The following SDK1 variants were observed in gnomAD, a reference collection of about 807,000 sequenced individuals.
SDK1 encodes protein sidekick-1.
SDK1 carries 157 observed loss-of-function variants against 245.5 expected under a neutral mutation model. The observed-to-expected ratio is 0.64, with a 90% confidence interval of 0.56 to 0.73. The LOEUF (loss-of-function observed/expected upper bound fraction) is 0.73, where lower values mean the gene tolerates loss of function less well. Among genes scored for constraint, SDK1 ranks in the 30% least tolerant of loss-of-function variants. The pLI is 0.00. For missense variants in SDK1, 3,583 were observed against 3,002.3 expected, an observed-to-expected ratio of 1.19 and a Z score of -4.52; for synonymous variants, 1,647 against 1,278.5, an observed-to-expected ratio of 1.29 and a Z score of -6.15.
intron 2 of SDK1, 48 bp from the exon 3 acceptor site, chr7:3,638,956 A>G (rs1258001997): frequency 2.5e-6 from 3 of 1,189,974 alleles, no homozygotes; most frequent in Admixed American, 2.0e-5. Flanking sequence ...AGATATAACC[A>G]TGAAACACTG....
intron 4 of SDK1, among the ~76,000 whole-genome samples, chr7:3,686,851 A>G (rs147361989): frequency 6.6e-6 from 1 of 152,284 alleles, no homozygotes; most frequent in East Asian, 1.9e-4. Flanking sequence ...GAATAATTTC[A>G]GTAGGTTCCA....
intron 19 of SDK1, among the ~76,000 whole-genome samples, chr7:4,066,981 T>C (rs1779947880): frequency 6.6e-6 from 1 of 152,240 alleles, no homozygotes; most frequent in Non-Finnish European, 1.5e-5. Context: ...GGAATGAGTT[T>C]ATGTTCTGAT....
chr7:3,373,197 A>G (rs1041793823), intron 1 of SDK1, among the ~76,000 whole-genome samples: 3 of 152,196 alleles, frequency 2.0e-5, no homozygotes, highest in Non-Finnish European at 2.9e-5. Flanking sequence ...ACCCTACCTT[A>G]AACGTGCTCA....
chr7:4,266,595 A>G lies in SDK1; in HGVS notation c.*1211A>G, dbSNP rs547571092. Reference sequence around the variant, plus strand: ...TTTCTTTTTTTTATTTAAAATTGTCATTGTTTGGTTTAAATTTTTCAGCTA... The same window carrying G: ...TTTCTTTTTTTTATTTAAAATTGTCGTTGTTTGGTTTAAATTTTTCAGCTA... On this transcript the variant is annotated 3_prime_UTR_variant, in exon 45 of 45. Transcript: ENST00000404826. 5.5e-4 allele frequency: 542 copies of G among 985,186 alleles called. No homozygotes were observed. The highest frequency in any genetic ancestry group is 6.3e-4 in the Non-Finnish European group (524 of 829,832). 61.0% of individuals were successfully genotyped at this position (985,186 alleles called of 1,614,324 possible).
chr7:3,833,775 CT>C (rs1779968917), intron 5 of SDK1, among the ~76,000 whole-genome samples: 1 of 152,162 alleles, frequency 6.6e-6, no homozygotes, highest in African/African-American at 2.4e-5. Flanking sequence ...TCTTTTGTTT[CT>C]TTGTTCATTT....
chr7:3,546,938 T>G (rs1342935917), intron 1 of SDK1, among the ~76,000 whole-genome samples: 1 of 152,188 alleles, frequency 6.6e-6, no homozygotes, highest in Admixed American at 6.5e-5. Flanking sequence ...ATCAGAAAGA[T>G]CTATGAAGTC....
chr7:3,876,204 G>A (rs545186274), intron 5 of SDK1, among the ~76,000 whole-genome samples: 7 of 152,318 alleles, frequency 4.6e-5, no homozygotes, highest in African/African-American at 1.4e-4. Context: ...AAGTGAAGTA[G>A]GGTAGGGGCT....
chr7:3,924,852 G>A (rs1779713675), intron 5 of SDK1, among the ~76,000 whole-genome samples: 1 of 152,096 alleles, frequency 6.6e-6, no homozygotes, highest in Non-Finnish European at 1.5e-5. Context: ...CAGAGGTGAG[G>A]GGTCTGCTGC....
At chr7:4,011,249 C>A in intron 15 of SDK1, 136 bp downstream of exon 15, 1 of 1,128,820 alleles carries the variant, frequency 8.9e-7, no homozygotes, top group Non-Finnish European at 1.2e-6. Context: ...AAACCGTGAG[C>A]AGAAAAGCCT....
At chr7:3,865,149 C>A (rs548259653) in intron 5 of SDK1, among the ~76,000 whole-genome samples, 49 of 152,102 alleles carry the variant, frequency 3.2e-4, no homozygotes, top group Non-Finnish European at 5.4e-4. Flanking sequence ...AAGTGATGAA[C>A]GTCCACAGAG....
intron 5 of SDK1, among the ~76,000 whole-genome samples, chr7:3,941,935 G>T (rs11983461): frequency 7.4e-6 from 1 of 135,270 alleles, no homozygotes. Context: ...TTGAGACACA[G>T]TCTTGCTCTG....
intron 20 of SDK1, among the ~76,000 whole-genome samples, chr7:4,076,584 A>G (rs1434026601): frequency 6.6e-6 from 1 of 152,208 alleles, no homozygotes; most frequent in Non-Finnish European, 1.5e-5. Context: ...ATATACATAC[A>G]TAACATTTTT....
chr7:3,990,397 G>T (rs1418244283), intron 14 of SDK1, among the ~76,000 whole-genome samples: 4 of 152,254 alleles, frequency 2.6e-5, no homozygotes, highest in African/African-American at 7.2e-5. Context: ...AAACCAGCGT[G>T]TGTGCAGACG....
chr7:3,552,043 CTTCT>C (rs1779435078), intron 1 of SDK1, among the ~76,000 whole-genome samples: 1 of 151,664 alleles, frequency 6.6e-6, no homozygotes, highest in Admixed American at 6.6e-5. Context: ...TCTTCTTCTT[CTTCT>C]TTTTTTTTTG....
intron 1 of SDK1, among the ~76,000 whole-genome samples, chr7:3,429,893 G>C (rs986801507): frequency 2.6e-5 from 4 of 152,058 alleles, no homozygotes; most frequent in Non-Finnish European, 5.9e-5. Flanking sequence ...GACAGATATA[G>C]AGACACATAT....
intron 1 of SDK1, among the ~76,000 whole-genome samples, chr7:3,497,341 G>A (rs571238931): frequency 2.6e-5 from 4 of 152,172 alleles, no homozygotes; most frequent in Non-Finnish European, 4.4e-5. Flanking sequence ...TGTAGTATTT[G>A]TGGGAAATGT....
At chr7:3,583,951 G>A (rs1274776331) in intron 1 of SDK1, among the ~76,000 whole-genome samples, 1 of 152,134 alleles carries the variant, frequency 6.6e-6, no homozygotes, top group Admixed American at 6.5e-5. Flanking sequence ...AGACCAGGAA[G>A]GAATAAGGCT....
At chr7:3,867,227 T>C (rs1004743172) in intron 5 of SDK1, among the ~76,000 whole-genome samples, 2 of 152,122 alleles carry the variant, frequency 1.3e-5, no homozygotes, top group African/African-American at 4.8e-5. Flanking sequence ...GAGTTCAAAC[T>C]GGCCAAAGAA....
chr7:3,479,419 C>T (rs1781442501), intron 1 of SDK1, among the ~76,000 whole-genome samples: 1 of 51,934 alleles, frequency 1.9e-5, no homozygotes. Flanking sequence ...GAGACTGTGT[C>T]TCAAAAAAAA....
Sources: gnomAD v4.1 joint callset for allele counts (sites outside exome capture counted in the v4.1 genomes callset) on GRCh38, gnomAD v4.1.1 for gene constraint, MANE v1.5 for transcripts, NCBI Gene and HGNC (gene_info 2026-07-23, HGNC 2026-07-21) for gene names.